The following ADGB variants were observed in gnomAD, a reference collection of about 807,000 sequenced individuals.
ADGB encodes the protein calpain-7-like protein.
A neutral mutation model predicts 210.5 loss-of-function variants in ADGB; 172 were observed. The ratio of observed to expected loss-of-function variants is 0.82; its 90% CI spans 0.72 to 0.93. The LOEUF is 0.93. Among genes scored for constraint, ADGB ranks in the 40% least tolerant of loss-of-function variants. The pLI, the probability that ADGB is intolerant of heterozygous loss-of-function variation, is 0.00. For missense variants in ADGB, 2,025 were observed against 1,964.8 expected (o/e 1.03, Z -0.58); for synonymous variants, 658 against 662.7 (o/e 0.99, Z 0.11).
At chr6:146,612,370 G>A (rs553593713) in intron 1 of ADGB, among the ~76,000 whole-genome samples, 1 of 152,226 alleles carries the variant, frequency 6.6e-6, no homozygotes, top group South Asian at 2.1e-4. Context: ...GTCTAAATGG[G>A]AGTCATCCTT....
At chr6:146,797,051 A>T (rs930320139) in intron 33 of ADGB, among the ~76,000 whole-genome samples, 2 of 152,156 alleles carry the variant, frequency 1.3e-5, no homozygotes, top group Admixed American at 6.5e-5. Context: ...ATGAATAGAC[A>T]ATCTCAAAAT....
At chr6:146,733,024 T>A (rs780515107) in intron 20 of ADGB, 96 bp from the exon 21 acceptor site, 4 of 1,008,288 alleles carry the variant, frequency 4.0e-6, no homozygotes, top group African/African-American at 1.7e-5. Flanking sequence ...AGAAATGGTT[T>A]TTATTTTTTA....
intron 2 of ADGB, among the ~76,000 whole-genome samples, chr6:146,640,296 G>A (rs1026695915): frequency 1.3e-5 from 2 of 151,904 alleles, no homozygotes; most frequent in Non-Finnish European, 2.9e-5. Context: ...AAAAGCTCGG[G>A]ACCTGATGGA....
intron 3 of ADGB, among the ~76,000 whole-genome samples, chr6:146,650,752 A>C (rs1775690215): frequency 6.6e-6 from 1 of 152,110 alleles, no homozygotes; most frequent in South Asian, 2.1e-4. Context: ...AGACCATTTC[A>C]AAGCACCCTC....
At chr6:146,643,347 G>GA (rs1446287162) in intron 2 of ADGB, among the ~76,000 whole-genome samples, 2 of 151,836 alleles carry the variant, frequency 1.3e-5, no homozygotes, top group Admixed American at 1.3e-4. Flanking sequence ...TGATTACTGT[G>GA]AAAATCACAA....
At chr6:146,634,801 A>G (rs1775381771) in intron 1 of ADGB, among the ~76,000 whole-genome samples, 1 of 151,992 alleles carries the variant, frequency 6.6e-6, no homozygotes, top group Non-Finnish European at 1.5e-5. Flanking sequence ...AAATTAAAAA[A>G]TTTTAAAAAT....
At chr6:146,740,732 T>C in intron 24 of ADGB, 139 bp downstream of exon 24, 1 of 768,182 alleles carries the variant, frequency 1.3e-6, no homozygotes, top group Non-Finnish European at 2.0e-6. Flanking sequence ...CACTTGGCAT[T>C]TTAAATGAGA....
chr6:146,710,264 A>G (rs1425680974), intron 13 of ADGB, among the ~76,000 whole-genome samples: 1 of 93,724 alleles, frequency 1.1e-5, no homozygotes, highest in Non-Finnish European at 2.2e-5. Context: ...TTTTACTTTT[A>G]TAAAATCCAA....
chr6:146,721,336 A>T, intron 16 of ADGB, 67 bp from the exon 17 acceptor site: 1 of 1,029,264 alleles, frequency 9.7e-7, no homozygotes, highest in Non-Finnish European at 1.5e-6. Context: ...CTATGTTTTC[A>T]TTAGAAGTGA....
At chr6:146,814,513 A>T (rs1778352801) in intron 35 of ADGB, among the ~76,000 whole-genome samples, 1 of 152,208 alleles carries the variant, frequency 6.6e-6, no homozygotes, top group Non-Finnish European at 1.5e-5. Context: ...TTATAGCTAC[A>T]TATAAGGCCT....
Position 146,672,403 on chromosome 6 carries a change from A to G in ADGB, c.1023A>G (p.Glu341=), listed in dbSNP as rs1306981477. ...GAAAGGAAGTAAAAGACGTGAAGGA[A>G]TTCAAACCTGAAAGTTCTTTGACAA... ...KDGKEVKDVK[E]FKPESSLTTL... The change falls in exon 8 of 36, where the codon GAA becomes GAG. Residue 341 remains glutamate (E), a synonymous_variant. Coordinates refer to ENST00000397944, the MANE Select transcript of ADGB (RefSeq NM_024694.4). The G allele has an allele frequency of 1.3e-6, 2 of 1,551,370 alleles. No individual in the cohort carries two copies. The highest frequency in any genetic ancestry group is 2.4e-5 in the South Asian group (2 of 83,982).
At chr6:146,637,514 A>C (rs553912067) in intron 2 of ADGB, among the ~76,000 whole-genome samples, 5 of 152,026 alleles carry the variant, frequency 3.3e-5, no homozygotes, top group Non-Finnish European at 7.4e-5. Flanking sequence ...TTTGGAGAGA[A>C]ATTTAGGAAC....
chr6:146,632,600 A>C (rs1428468332), intron 1 of ADGB, among the ~76,000 whole-genome samples: 8 of 152,030 alleles, frequency 5.3e-5, no homozygotes, highest in South Asian at 2.1e-4. Flanking sequence ...TTTCCTCCTT[A>C]TCTCTCTGAC....
At chr6:146,769,349 A>T (rs538829798) in intron 29 of ADGB, among the ~76,000 whole-genome samples, 1 of 152,238 alleles carries the variant, frequency 6.6e-6, no homozygotes, top group East Asian at 1.9e-4. Flanking sequence ...AAATATGATT[A>T]GTTAGATGTA....
At chr6:146,675,470 G>C (rs1321559496) in intron 8 of ADGB, among the ~76,000 whole-genome samples, 2 of 150,812 alleles carry the variant, frequency 1.3e-5, no homozygotes, top group African/African-American at 4.9e-5. Context: ...GTGAAAGCCT[G>C]TCAAAAAGAA....
chr6:146,815,029 C>G lies in ADGB; in HGVS notation c.4819-3C>G. On this transcript the variant is annotated splice_region_variant and splice_polypyrimidine_tract_variant and intron_variant, in intron 35 of 35. Coordinates refer to ENST00000397944, the MANE Select transcript of ADGB (RefSeq NM_024694.4). ...ATTTGTTTGGGGTTTTGCTTTGGAA[C>G]AGGACTCCTTAGATGAAGCCCGACA... 1 of 1,533,750 alleles carries G rather than the reference C, an allele frequency of 6.5e-7. No individual in the cohort carries two copies. The highest frequency in any genetic ancestry group is 1.2e-5 in the South Asian group (1 of 80,428).
Position 146,763,885 on chromosome 6 carries a change from T to C in ADGB, c.3551-16T>C. 1 of 1,543,262 alleles carries C rather than the reference T, an allele frequency of 6.5e-7. No individual in the cohort carries two copies. The highest frequency in any genetic ancestry group is 8.8e-7 in the Non-Finnish European group (1 of 1,142,678). On this transcript the variant is annotated splice_polypyrimidine_tract_variant and intron_variant, in intron 27 of 35. Coordinates refer to ENST00000397944, the MANE Select transcript of ADGB (RefSeq NM_024694.4). ...ATCACATATTTTAACTTTAACTTAG[T>C]ATTTCTCCTATTCAGCTAGCAAGCA...
At chr6:146,629,221 T>C (rs1781024568) in intron 1 of ADGB, among the ~76,000 whole-genome samples, 1 of 152,148 alleles carries the variant, frequency 6.6e-6, no homozygotes, top group South Asian at 2.1e-4. Context: ...CCAACTATAC[T>C]AGAGCAGTGG....
intron 27 of ADGB, among the ~76,000 whole-genome samples, chr6:146,763,434 A>G (rs144546704): frequency 2.0e-5 from 3 of 152,360 alleles, no homozygotes; most frequent in African/African-American, 7.2e-5. Flanking sequence ...TCTGTTAATT[A>G]GAAAATAATT....
Sources: allele counts gnomAD v4.1 joint callset (sites outside exome capture counted in the v4.1 genomes callset), GRCh38; gene constraint gnomAD v4.1.1; transcripts MANE v1.5; gene names NCBI Gene and HGNC (gene_info 2026-07-23, HGNC 2026-07-21).